LIMCH1: variants seen among roughly 807,000 people sequenced by gnomAD.
LIMCH1 encodes LIM and calponin homology domains-containing protein 1.
Under a neutral mutation model 176.5 loss-of-function variants are expected in LIMCH1, and 113 were observed. That is an observed-to-expected ratio of 0.64 (90% CI 0.55 to 0.75). The LOEUF (loss-of-function observed/expected upper bound fraction) is 0.75. Among genes scored for constraint, LIMCH1 ranks in the 30% least tolerant of loss-of-function variants. The pLI is 0.00. For synonymous variants in LIMCH1, 619 were observed against 645.9 expected (o/e 0.96, Z 0.63); for missense variants, 1,674 against 1,814.9 (o/e 0.92, Z 1.41).
chr4:41,669,863 G>A (rs189869975), intron 21 of LIMCH1, among the ~76,000 whole-genome samples: 1 of 152,126 alleles, frequency 6.6e-6, no homozygotes, highest in Non-Finnish European at 1.5e-5. Context: ...TTAGGATCAG[G>A]TATCCTGGAG....
intron 1 of LIMCH1, among the ~76,000 whole-genome samples, chr4:41,571,808 G>T (rs2152614628): frequency 6.6e-6 from 1 of 152,236 alleles, no homozygotes. Flanking sequence ...TCAAAGGAAG[G>T]GGAAGTAGAT....
intron 2 of LIMCH1, among the ~76,000 whole-genome samples, chr4:41,506,382 A>G (rs965109912): frequency 2.0e-5 from 3 of 152,184 alleles, no homozygotes; most frequent in Non-Finnish European, 2.9e-5. Flanking sequence ...TTGAGGGTTG[A>G]TGGTGTAACT....
intron 18 of LIMCH1, among the ~76,000 whole-genome samples, chr4:41,657,505 G>GA (rs1370270072): frequency 6.6e-6 from 1 of 152,194 alleles, no homozygotes; most frequent in Non-Finnish European, 1.5e-5. Context: ...GAAAACTGGA[G>GA]AAAACATCGA....
chr4:41,587,414 C>T (rs1021728638), intron 1 of LIMCH1, among the ~76,000 whole-genome samples: 3 of 152,076 alleles, frequency 2.0e-5, no homozygotes, highest in African/African-American at 7.2e-5. Context: ...TTTCAAACTG[C>T]AAGTAAGAAG....
At chr4:41,458,830 G>C (rs1414631933) in intron 1 of LIMCH1, among the ~76,000 whole-genome samples, 1 of 150,284 alleles carries the variant, frequency 6.7e-6, no homozygotes, top group African/African-American at 2.5e-5. Flanking sequence ...ATCAGGCTAA[G>C]GAAGCTGAAC....
chr4:41,678,004 T>C (rs1712351452), intron 23 of LIMCH1, among the ~76,000 whole-genome samples: 1 of 152,102 alleles, frequency 6.6e-6, no homozygotes, highest in African/African-American at 2.4e-5. Context: ...GTTACATAGG[T>C]ATACACGTGT....
chr4:41,446,702 A>T (rs1049334456), intron 1 of LIMCH1, among the ~76,000 whole-genome samples: 2 of 152,266 alleles, frequency 1.3e-5, no homozygotes, highest in African/African-American at 2.4e-5. Context: ...AAAAGCCTGT[A>T]TATAAATCCA....
intron 1 of LIMCH1, among the ~76,000 whole-genome samples, chr4:41,405,527 G>A (rs1362718634): frequency 6.6e-6 from 1 of 152,066 alleles, no homozygotes; most frequent in Admixed American, 6.6e-5. Context: ...TGCATAGTCT[G>A]ACTTATAATG....
rs1170263656 is a variant in LIMCH1 at position 41,620,561 on chromosome 4, C to G, written c.596C>G (p.Pro199Arg). ...ELPDGSGKEHPSSDGAVVAPA... is the reference protein window; with the variant it reads ...ELPDGSGKEHRSSDGAVVAPA... Reference sequence around the variant, plus strand: ...CCTGACGGCAGTGGTAAGGAGCACCCTTCTTCAGACGGGGCTGTGGTGGCA... The same window carrying G: ...CCTGACGGCAGTGGTAAGGAGCACCGTTCTTCAGACGGGGCTGTGGTGGCA... The change falls in exon 7 of 32, where the codon CCT becomes CGT. Residue 199 changes from proline to arginine, a missense_variant. Physicochemically the swap from Pro to Arg is moderately radical, Grantham distance 103. Around this residue, in one of 3 missense-constraint regions of LIMCH1, gnomAD observed 655 missense variants for 692.2 expected, o/e 0.95. Transcript: ENST00000503057. The G allele has an allele frequency of 1.8e-5, 28 of 1,536,336 alleles. No homozygotes were observed. The highest frequency in any genetic ancestry group is 2.4e-5 in the Non-Finnish European group (28 of 1,146,970).
chr4:41,679,401 C>G (rs1052194529), intron 23 of LIMCH1, among the ~76,000 whole-genome samples: 3 of 152,088 alleles, frequency 2.0e-5, no homozygotes, highest in African/African-American at 7.2e-5. Context: ...TGCATTATTT[C>G]TGAAAACAAA....
rs1480594095 is a variant in LIMCH1, at chr4:41,629,541, A to T, written c.1078A>T (p.Arg360Trp). 6.5e-7 allele frequency: 1 copy of T among 1,535,994 alleles called. No homozygotes were observed. Among genetic ancestry groups the T allele is most frequent in the Non-Finnish European group, 8.7e-7 (1 of 1,146,908 alleles). ...EVKLIVTCNMRAQESEPVEGG... is the reference protein window; with the variant it reads ...EVKLIVTCNMWAQESEPVEGG... ...GAAGTTGATAGTGACCTGTAACATG[A>T]GGGCTCAGGAAAGTGAACCTGTGGA... Residue 360 changes from arginine (R) to tryptophan (W), a missense_variant, in exon 9 of 32, where the codon AGG (arginine) becomes TGG (tryptophan). Physicochemically the swap from Arg to Trp is moderately radical, Grantham distance 101. Around this residue, in one of 3 missense-constraint regions of LIMCH1, gnomAD observed 655 missense variants for 692.2 expected, o/e 0.95. Transcript: ENST00000503057.
At chr4:41,610,800 A>T (rs892352306) in intron 4 of LIMCH1, among the ~76,000 whole-genome samples, 5 of 152,054 alleles carry the variant, frequency 3.3e-5, no homozygotes, top group African/African-American at 1.2e-4. Context: ...CATTACCCTA[A>T]ACTCCTTCTC....
intron 20 of LIMCH1, among the ~76,000 whole-genome samples, chr4:41,665,035 T>C (rs866661943): frequency 6.6e-6 from 1 of 152,210 alleles, no homozygotes. Flanking sequence ...AATGGAATCA[T>C]GGTCTTTGAA....
At position 41,360,885 on chromosome 4, in the gene LIMCH1, GCCCGAGCCGCCC is replaced by G. The variant is rs1351630897; in HGVS notation, c.54_65del (p.Pro19_Pro22del). Reference sequence around the variant, plus strand: ...GTCTGGAAGCTCTTCAGCCCCTGCAGCCCGAGCCGCCCCCCGAGCCCGCCTTCTCCGAGGCGC... The same window carrying G: ...GTCTGGAAGCTCTTCAGCCCCTGCAGCCCGAGCCCGCCTTCTCCGAGGCGC... On this transcript the variant is annotated inframe_deletion, in exon 1 of 27. Coordinates refer to the LIMCH1 transcript ENST00000313860. The surrounding 1 kb of genome is among the most constrained non-coding windows in gnomAD (Gnocchi z 4.5). 2 of 1,587,682 alleles carry G rather than the reference GCCCGAGCCGCCC, an allele frequency of 1.3e-6. No homozygotes were observed. Among genetic ancestry groups the G allele is most frequent in the Non-Finnish European group, 8.5e-7 (1 of 1,170,342 alleles).
At chr4:41,393,500 T>C (rs1471022229) in intron 1 of LIMCH1, among the ~76,000 whole-genome samples, 1 of 152,258 alleles carries the variant, frequency 6.6e-6, no homozygotes, top group Non-Finnish European at 1.5e-5. Context: ...TCTTTAAATG[T>C]ACCTTTCAAA....
In LIMCH1 at chr4:41,699,183, A is replaced by G. The variant is rs1732146357; in HGVS notation, c.*1998A>G. 1 of 152,180 alleles carries G rather than the reference A, an allele frequency of 6.6e-6. No homozygotes were observed. Among genetic ancestry groups the G allele is most frequent in the Non-Finnish European group, 1.5e-5 (1 of 68,034 alleles). 9.4% of individuals were successfully genotyped at this position (152,180 alleles called of 1,614,324 possible). ...ATATGGTCATTCATAACCGATTTTT[A>G]TAGAATACTTTTTACATGTGCAACT... On this transcript the variant is annotated 3_prime_UTR_variant, in exon 32 of 32. Coordinates refer to ENST00000503057, the MANE Select transcript of LIMCH1 (RefSeq NM_001330672.2).
intron 1 of LIMCH1, among the ~76,000 whole-genome samples, chr4:41,365,184 A>G (rs1466476491): frequency 6.6e-6 from 1 of 152,182 alleles, no homozygotes; most frequent in Non-Finnish European, 1.5e-5. Context: ...GGACTCCTTT[A>G]CCTTCAATCA....
chr4:41,473,166 C>A, intron 1 of LIMCH1: 1 of 985,308 alleles, frequency 1.0e-6, no homozygotes, highest in Non-Finnish European at 1.2e-6. Flanking sequence ...TTTTAAGGAC[C>A]TGCCAATACC....
Position 41,661,598 on chromosome 4 carries a change from C to A in LIMCH1, c.3127+88C>A. ...ATAGTCAAGAATTTTTCCTACTGAG[C>A]CACAGGAAAGTAGTAATTAGACTCC... On this transcript the variant is annotated intron_variant, in intron 19 of 31. Transcript: ENST00000503057. The A allele has an allele frequency of 3.0e-6, 3 of 995,624 alleles. No individual in the cohort carries two copies. The South Asian group carries it at 4.2e-5, about 14-fold the overall frequency. 61.7% of individuals were successfully genotyped at this position (995,624 alleles called of 1,614,324 possible).
Sources: gnomAD v4.1 joint callset for allele counts (sites outside exome capture counted in the v4.1 genomes callset) on GRCh38, gnomAD v4.1.1 for gene constraint, gnomAD v4.1.1 regional missense constraint, Gnocchi (gnomAD v3.1) non-coding constraint, MANE v1.5 for transcripts, NCBI Gene and HGNC (gene_info 2026-07-23, HGNC 2026-07-21) for gene names.